The following STXBP6 variants were observed in gnomAD, a reference collection of about 807,000 sequenced individuals.
STXBP6 encodes the protein syntaxin binding protein 6.
In STXBP6, 21 loss-of-function variants were observed where a neutral mutation model predicts 26.9. That is an observed-to-expected ratio of 0.78 (90% CI 0.55 to 1.12). The LOEUF (loss-of-function observed/expected upper bound fraction) is 1.12. Ranked by LOEUF, STXBP6 falls within the 50% of genes most tolerant of loss-of-function variation. The pLI is 0.00. For synonymous variants in STXBP6, 97 were observed against 92.6 expected, an observed-to-expected ratio of 1.05 and a Z score of -0.27; for missense variants, 232 against 257.9, an observed-to-expected ratio of 0.90 and a Z score of 0.69.
intron 2 of STXBP6, among the ~76,000 whole-genome samples, chr14:24,881,329 T>C (rs553949587): frequency 5.6e-4 from 86 of 152,322 alleles, no homozygotes; most frequent in African/African-American, 2.0e-3. Flanking sequence ...GTAGTTTACA[T>C]TGGAATACTC....
At chr14:24,971,585 T>TCATC (rs72382189) in intron 2 of STXBP6, among the ~76,000 whole-genome samples, 62,733 of 151,576 alleles carry the variant, frequency 0.41, 15,047 homozygotes, top group African/African-American at 0.68. Context: ...TACAAAGAGG[T>TCATC]CCTAGACTGA....
intron 1 of STXBP6, among the ~76,000 whole-genome samples, chr14:25,014,026 T>C (rs540988237): frequency 1.3e-5 from 2 of 152,276 alleles, no homozygotes; most frequent in African/African-American, 2.4e-5. Flanking sequence ...AATAAAATAA[T>C]AGGATGTCAC....
intron 2 of STXBP6, among the ~76,000 whole-genome samples, chr14:24,897,270 C>T (rs1331519341): frequency 6.6e-6 from 1 of 151,524 alleles, no homozygotes; most frequent in African/African-American, 2.4e-5. Flanking sequence ...ATTAGCCAGG[C>T]GTGGTGGTGG....
At chr14:24,871,494 TGCTG>T (rs1356398669) in intron 2 of STXBP6, among the ~76,000 whole-genome samples, 2 of 152,222 alleles carry the variant, frequency 1.3e-5, no homozygotes, top group African/African-American at 4.8e-5. Flanking sequence ...CATGAATATG[TGCTG>T]TAGGTCTTGC....
At chr14:24,937,260 A>T (rs748844110) in intron 2 of STXBP6, among the ~76,000 whole-genome samples, 2 of 152,232 alleles carry the variant, frequency 1.3e-5, no homozygotes, top group Non-Finnish European at 2.9e-5. Context: ...CACGTTCTGC[A>T]CACGTACCCC....
In STXBP6 at chr14:24,996,671, G is replaced by A. The variant is rs574677846; in HGVS notation, c.-32-21821C>T. Among the ~76,000 whole-genome samples, 200 of 151,874 alleles carry A rather than the reference G, an allele frequency of 1.3e-3. 1 individual carries two copies. Among genetic ancestry groups the A allele is most frequent in the Middle Eastern group, 6.8e-3 (2 of 292 alleles). ...GTTTGAGACCAGCCTGACCAACATG[G>A]AGAAACCCCGTCTCTACTAAAAAAA... On this transcript the variant is annotated intron_variant, in intron 1 of 5. Transcript: ENST00000323944.
At chr14:24,831,456 A>G (rs1316380490) in intron 4 of STXBP6, among the ~76,000 whole-genome samples, 1 of 152,162 alleles carries the variant, frequency 6.6e-6, no homozygotes, top group Non-Finnish European at 1.5e-5. Context: ...AAAGTTTTTA[A>G]AATAAGAAAT....
chr14:24,932,130 T>A (rs548644636), intron 2 of STXBP6, among the ~76,000 whole-genome samples: 1 of 152,112 alleles, frequency 6.6e-6, no homozygotes, highest in Non-Finnish European at 1.5e-5. Context: ...AGATTTGGGC[T>A]GGGCACGGTG....
At chr14:24,815,565 G>A (rs998874540) in intron 5 of STXBP6, 3 of 151,726 alleles carry the variant, frequency 2.0e-5, no homozygotes, top group African/African-American at 7.3e-5. Flanking sequence ...TAAGGATAGA[G>A]GCAGCCATTC....
At chr14:24,856,725 T>TC (rs397699900) in intron 3 of STXBP6, among the ~76,000 whole-genome samples, 4 of 151,878 alleles carry the variant, frequency 2.6e-5, no homozygotes, top group Admixed American at 1.3e-4. Flanking sequence ...TTTTTTTTTT[T>TC]CCATATTGAT....
chr14:25,017,103 CTTAAGCACAAGCGT>C (rs1428256187), intron 1 of STXBP6, among the ~76,000 whole-genome samples: 19 of 152,152 alleles, frequency 1.2e-4, no homozygotes, highest in Non-Finnish European at 2.1e-4. Flanking sequence ...CATATTTGCA[CTTAAGCACAAGCGT>C]GTGTAATAAG....
intron 2 of STXBP6, 148 bp from the exon 3 acceptor site, chr14:24,857,305 T>C (rs994921133): frequency 2.9e-6 from 3 of 1,025,764 alleles, no homozygotes; most frequent in Non-Finnish European, 2.9e-6. Flanking sequence ...TGAATAAATA[T>C]GTGTGCCTTT....
intron 2 of STXBP6, among the ~76,000 whole-genome samples, chr14:24,894,822 T>C (rs1207144924): frequency 6.6e-6 from 1 of 152,166 alleles, no homozygotes; most frequent in Non-Finnish European, 1.5e-5. Context: ...GGCTTCCCAA[T>C]TGCACAACTT....
intron 1 of STXBP6, among the ~76,000 whole-genome samples, chr14:25,011,295 CA>C (rs1367399470): frequency 6.6e-6 from 1 of 152,176 alleles, no homozygotes; most frequent in Non-Finnish European, 1.5e-5. Flanking sequence ...TACAAGATGA[CA>C]CTTTTCCAGA....
At position 24,810,865 on chromosome 14, in the gene STXBP6, C is replaced by CTCTCTGTGTGTG. The variant is rs373068735; in HGVS notation, c.*1843_*1844insCACACACAGAGA. ...CCAATTTGGAAAGATAAATACATCTCTGTGTGTGTGTGTGTGTGTGTGTGT... is the reference window on the plus strand; with the variant it reads ...CCAATTTGGAAAGATAAATACATCTCTCTCTGTGTGTGTGTGTGTGTGTGTGTGTGTGTGTGT... On this transcript the variant is annotated 3_prime_UTR_variant, in exon 6 of 6. Transcript: ENST00000323944. 2 of 137,570 alleles carry CTCTCTGTGTGTG rather than the reference C, an allele frequency of 1.5e-5. No individual in the cohort carries two copies. Among genetic ancestry groups the CTCTCTGTGTGTG allele is most frequent in the East Asian group, 4.3e-4 (2 of 4,622 alleles). 8.5% of individuals were successfully genotyped at this position (137,570 alleles called of 1,614,324 possible).
intron 2 of STXBP6, among the ~76,000 whole-genome samples, chr14:24,942,940 A>G (rs1038884982): frequency 6.6e-6 from 1 of 152,248 alleles, no homozygotes; most frequent in Non-Finnish European, 1.5e-5. Context: ...TCTTAAATTA[A>G]TTAGAATCAG....
chr14:24,990,550 C>T lies in STXBP6; in HGVS notation c.-32-15700G>A, dbSNP rs1161403254. On this transcript the variant is annotated intron_variant, in intron 1 of 5. Transcript: ENST00000323944. ...GTGCAGGCCTGTAATCCCAGCTACT[C>T]AGGAGGCTGAGGCAGGAGAATTGCT... Among the ~76,000 whole-genome samples, 9 of 149,412 alleles carry T rather than the reference C, an allele frequency of 6.0e-5. No individual in the cohort carries two copies. In the Admixed American group the frequency reaches 6.1e-4, roughly 10 times the overall value.
At chr14:25,002,359 C>CTTTTTTTTTTTTTTTCTT (rs1365586543) in intron 1 of STXBP6, among the ~76,000 whole-genome samples, 1 of 121,356 alleles carries the variant, frequency 8.2e-6, no homozygotes, top group African/African-American at 3.4e-5. Flanking sequence ...ATTCTTATGA[C>CTTTTTTTTTTTTTTTCTT]TTTTTTTTTT....
intron 2 of STXBP6, among the ~76,000 whole-genome samples, chr14:24,936,434 A>G (rs1453594071): frequency 1.3e-5 from 2 of 152,246 alleles, no homozygotes; most frequent in Non-Finnish European, 2.9e-5. Flanking sequence ...AATGGAAAAT[A>G]TACACATAGG....
Sources: gnomAD v4.1 joint callset for allele counts (sites outside exome capture counted in the v4.1 genomes callset) on GRCh38, gnomAD v4.1.1 for gene constraint, MANE v1.5 for transcripts, NCBI Gene and HGNC (gene_info 2026-07-23, HGNC 2026-07-21) for gene names.